GLIS3: variants seen among roughly 807,000 people sequenced by gnomAD.
GLIS3 encodes GLIS family zinc finger 3.
Under a neutral mutation model 78.6 loss-of-function variants are expected in GLIS3, and 53 were observed. The observed-to-expected ratio is 0.67, with a 90% CI of 0.54 to 0.85. GLIS3 has a LOEUF of 0.85. GLIS3 is among the 40% of genes least tolerant of loss of function. GLIS3 has a pLI of 0.00. For missense variants in GLIS3, 1,703 were observed against 1,231.1 expected (o/e 1.38, Z -5.74); for synonymous variants, 684 against 509.9 (o/e 1.34, Z -4.60).
chr9:4,213,875 G>T (rs1323197891), intron 2 of GLIS3, among the ~76,000 whole-genome samples: 1 of 150,776 alleles, frequency 6.6e-6, no homozygotes, highest in Non-Finnish European at 1.5e-5. Flanking sequence ...CAAGTGTCCT[G>T]CTTTTGTGGA....
At chr9:4,287,863 GT>G (rs1828134647) in intron 1 of GLIS3, among the ~76,000 whole-genome samples, 1 of 152,224 alleles carries the variant, frequency 6.6e-6, no homozygotes, top group African/African-American at 2.4e-5. Flanking sequence ...TTTGCTGTGT[GT>G]GCCTATCTTG....
At chr9:3,837,653 G>T (rs904618060) in intron 9 of GLIS3, among the ~76,000 whole-genome samples, 2 of 152,182 alleles carry the variant, frequency 1.3e-5, no homozygotes, top group African/African-American at 4.8e-5. Context: ...AATGCATATT[G>T]CTGAGTGAAA....
intron 2 of GLIS3, among the ~76,000 whole-genome samples, chr9:4,272,671 G>A (rs889594982): frequency 3.9e-5 from 6 of 152,184 alleles, no homozygotes; most frequent in African/African-American, 1.2e-4. Context: ...AAACTTGTGT[G>A]TTTTACGTAA....
At chr9:4,057,569 T>C (rs1826249657) in intron 4 of GLIS3, among the ~76,000 whole-genome samples, 1 of 151,968 alleles carries the variant, frequency 6.6e-6, no homozygotes, top group Non-Finnish European at 1.5e-5. Flanking sequence ...TCATTATTTG[T>C]CCTTGAAAAA....
chr9:4,021,317 C>T (rs1484225553), intron 4 of GLIS3, among the ~76,000 whole-genome samples: 1 of 152,112 alleles, frequency 6.6e-6, no homozygotes, highest in African/African-American at 2.4e-5. Context: ...TGATTTATAA[C>T]ATTTTATATG....
chr9:4,370,696 G>C, the GLIS3 span, among the ~76,000 whole-genome samples: 1 of 148,648 alleles, frequency 6.7e-6, no homozygotes, highest in Non-Finnish European at 1.5e-5. Flanking sequence ...TTTATATTCT[G>C]TAATAAATAA....
At chr9:4,371,818 G>A in the GLIS3 span, among the ~76,000 whole-genome samples, 3 of 152,312 alleles carry the variant, frequency 2.0e-5, no homozygotes, top group South Asian at 6.2e-4. Context: ...CAGTTGCCCT[G>A]AAGATCTGAA....
intron 4 of GLIS3, among the ~76,000 whole-genome samples, chr9:3,997,673 G>A (rs190161119): frequency 6.6e-6 from 1 of 151,390 alleles, no homozygotes; most frequent in Non-Finnish European, 1.5e-5. Context: ...ATCTCTGCAG[G>A]AATAAAAAAA....
At chr9:4,423,436 A>G in the GLIS3 span, among the ~76,000 whole-genome samples, 7 of 151,658 alleles carry the variant, frequency 4.6e-5, no homozygotes, top group Non-Finnish European at 1.0e-4. Context: ...TCATTCCCCC[A>G]ACTTCCCACA....
At chr9:4,281,337 T>G (rs1827530993) in intron 2 of GLIS3, among the ~76,000 whole-genome samples, 1 of 152,120 alleles carries the variant, frequency 6.6e-6, no homozygotes, top group Non-Finnish European at 1.5e-5. Context: ...TCGGTGGCAT[T>G]AAGTACATTC....
At chr9:4,382,971 T>A in the GLIS3 span, among the ~76,000 whole-genome samples, 1 of 152,226 alleles carries the variant, frequency 6.6e-6, no homozygotes, top group Non-Finnish European at 1.5e-5. Flanking sequence ...ATTCACCGAT[T>A]CTGTGCTTGA....
At chr9:4,431,103 C>T in the GLIS3 span, among the ~76,000 whole-genome samples, 2 of 152,304 alleles carry the variant, frequency 1.3e-5, no homozygotes, top group Admixed American at 6.5e-5. Flanking sequence ...TTCTTACTGA[C>T]TCAGTTAAAT....
intron 4 of GLIS3, among the ~76,000 whole-genome samples, chr9:3,997,954 C>T (rs1820861399): frequency 6.6e-6 from 1 of 152,118 alleles, no homozygotes; most frequent in Non-Finnish European, 1.5e-5. Flanking sequence ...AAAACCCCTA[C>T]AGAAAATGCA....
chr9:4,342,801 T>C (rs1347099177), intron 2 of GLIS3, among the ~76,000 whole-genome samples: 1 of 152,218 alleles, frequency 6.6e-6, no homozygotes, highest in Non-Finnish European at 1.5e-5. Context: ...ACTGTAGAGA[T>C]CTTTTACCTC....
intron 8 of GLIS3, among the ~76,000 whole-genome samples, chr9:3,867,757 G>A (rs1474670822): frequency 2.6e-5 from 4 of 151,628 alleles, no homozygotes; most frequent in African/African-American, 9.7e-5. Flanking sequence ...GTGTGTGTGA[G>A]TGCATGTGTG....
intron 2 of GLIS3, among the ~76,000 whole-genome samples, chr9:4,282,873 C>T (rs1159479284): frequency 6.6e-6 from 1 of 152,116 alleles, no homozygotes; most frequent in African/African-American, 2.4e-5. Context: ...GATCCAAACT[C>T]CTTGGCACAT....
intron 2 of GLIS3, among the ~76,000 whole-genome samples, chr9:4,167,160 A>T (rs879235265): frequency 6.6e-6 from 1 of 152,168 alleles, no homozygotes; most frequent in Admixed American, 6.5e-5. Flanking sequence ...TCCAAAGAGG[A>T]TAAGGGAGTT....
chr9:4,318,920 G>C (rs1422205186), intron 2 of GLIS3, among the ~76,000 whole-genome samples: 4 of 152,216 alleles, frequency 2.6e-5, no homozygotes, highest in Non-Finnish European at 4.4e-5. Context: ...GTGCCTCCCG[G>C]AGTGAGCTGC....
chr9:4,390,460 A>G, the GLIS3 span, among the ~76,000 whole-genome samples: 7 of 152,104 alleles, frequency 4.6e-5, no homozygotes, highest in African/African-American at 1.4e-4. Flanking sequence ...CAAACTTCTA[A>G]GCTCAAGTGA....
Sources: gnomAD v4.1 joint callset for allele counts (sites outside exome capture counted in the v4.1 genomes callset) on GRCh38, gnomAD v4.1.1 for gene constraint, MANE v1.5 for transcripts, NCBI Gene and HGNC (gene_info 2026-07-23, HGNC 2026-07-21) for gene names.